Variants in OR3A2 observed in about 807,000 individuals in gnomAD.
OR3A2 encodes the protein olfactory receptor family 3 subfamily A member 2.
For missense variants in OR3A2, 318 were observed against 392.8 expected, an observed-to-expected ratio of 0.81 and a Z score of 1.61; for synonymous variants, 126 against 159.3, an observed-to-expected ratio of 0.79 and a Z score of 1.57.
chr17:3,324,227 C>T (rs2049151407), intron 3 of OR3A2, among the ~76,000 whole-genome samples: 1 of 152,028 alleles, frequency 6.6e-6, no homozygotes, highest in Admixed American at 6.6e-5. Context: ...TTAAGGACTT[C>T]TCTGCATTGG....
chr17:3,372,874 AGAGGGAGAGGGAGAGGGAGAG>A lies in OR3A2; in HGVS notation c.-179+10909_-179+10929del, dbSNP rs2049644491. On this transcript the variant is annotated intron_variant, in intron 2 of 4. Transcript: ENST00000573491. ...GAGAGGGAGAGGGAGAGGGAGAGGG[AGAGGGAGAGGGAGAGGGAGAG>A]GGAGAGGGAGAGGGCTCTTTAGGAT... Among the ~76,000 whole-genome samples the A allele has an allele frequency of 7.4e-5, 5 of 67,864 alleles. No homozygotes were observed. In the South Asian group the frequency reaches 2.2e-3, roughly 29 times the overall value. 44.5% of individuals were successfully genotyped at this position (67,864 alleles called of 152,430 possible).
At chr17:3,327,550 CTTTAG>C (rs1325563541) in intron 3 of OR3A2, among the ~76,000 whole-genome samples, 1 of 127,440 alleles carries the variant, frequency 7.8e-6, no homozygotes, top group Non-Finnish European at 1.6e-5. Context: ...TGCAGAAGCT[CTTTAG>C]TTTAATTAGA....
chr17:3,278,858 T>C, exon 2 of OR3A2: 4 of 1,514,812 alleles, frequency 2.6e-6, no homozygotes, highest in Non-Finnish European at 3.5e-6. Flanking sequence ...CTGTTTGCAC[T>C]AGGCCCAGTA....
chr17:3,310,396 T>C (rs61734050), intron 3 of OR3A2: 61,797 of 535,042 alleles, frequency 0.12, 4,115 homozygotes, highest in East Asian at 0.16. Context: ...CTACAGCCCA[T>C]CCTCTTTGTC....
At chr17:3,276,799 G>A (rs958331778), downstream of OR3A2, 1 of 152,118 alleles carries the variant, frequency 6.6e-6, no homozygotes, top group Admixed American at 6.5e-5. Context: ...GGCATGGCAG[G>A]GAATGGAGAT....
At chr17:3,336,675 C>A (rs1423864656) in intron 2 of OR3A2, among the ~76,000 whole-genome samples, 1 of 152,128 alleles carries the variant, frequency 6.6e-6, no homozygotes, top group African/African-American at 2.4e-5. Flanking sequence ...GTATCCAAAT[C>A]TTACACTGTC....
At chr17:3,376,928 T>C (rs1268370820) in intron 2 of OR3A2, among the ~76,000 whole-genome samples, 1 of 152,206 alleles carries the variant, frequency 6.6e-6, no homozygotes, top group African/African-American at 2.4e-5. Flanking sequence ...TCTACTTTTA[T>C]ATTTTGCTCG....
intron 3 of OR3A2, among the ~76,000 whole-genome samples, chr17:3,316,800 T>C (rs2049085310): frequency 6.6e-6 from 1 of 152,214 alleles, no homozygotes; most frequent in Non-Finnish European, 1.5e-5. Flanking sequence ...AGAGTGATAA[T>C]GACTGTGGGT....
At chr17:3,310,410 T>C (rs1175319929) in intron 3 of OR3A2, 2 of 535,340 alleles carry the variant, frequency 3.7e-6, no homozygotes, top group Admixed American at 3.9e-5. Context: ...CTTTGTCATC[T>C]TCCTTCTTGC....
intron 2 of OR3A2, among the ~76,000 whole-genome samples, chr17:3,371,350 G>A (rs1310373038): frequency 3.3e-5 from 5 of 150,136 alleles, no homozygotes; most frequent in African/African-American, 7.4e-5. Flanking sequence ...TCTCCCGGAC[G>A]AGGCGGCTGG....
chr17:3,334,850 T>C (rs2049265963), intron 3 of OR3A2, among the ~76,000 whole-genome samples: 1 of 152,200 alleles, frequency 6.6e-6, no homozygotes, highest in Non-Finnish European at 1.5e-5. Flanking sequence ...ATTCTAAATA[T>C]GTAGTAAGTT....
chr17:3,385,449 GGATAGATA>G (rs56810423), intron 1 of OR3A2, among the ~76,000 whole-genome samples: 2 of 151,970 alleles, frequency 1.3e-5, no homozygotes, highest in East Asian at 1.9e-4. Flanking sequence ...TGATAGAGGA[GGATAGATA>G]GATAGATAGA....
intron 3 of OR3A2, among the ~76,000 whole-genome samples, chr17:3,289,507 T>C (rs1420651160): frequency 6.6e-6 from 1 of 152,182 alleles, no homozygotes; most frequent in African/African-American, 2.4e-5. Flanking sequence ...GCTGAAGAAA[T>C]GCCAGAGGCA....
intron 3 of OR3A2, among the ~76,000 whole-genome samples, chr17:3,302,059 A>C (rs987464366): frequency 2.4e-4 from 36 of 152,098 alleles, no homozygotes; most frequent in African/African-American, 7.7e-4. Flanking sequence ...CCTCTTCAAG[A>C]AGAACTACAA....
At chr17:3,366,360 G>A (rs552846593) in intron 2 of OR3A2, among the ~76,000 whole-genome samples, 2 of 152,220 alleles carry the variant, frequency 1.3e-5, no homozygotes, top group South Asian at 4.2e-4. Context: ...TTAGCTTGAT[G>A]CAAAAATGTT....
chr17:3,363,605 G>C lies in OR3A2; in HGVS notation c.-179+20199C>G, dbSNP rs184331730. Among the ~76,000 whole-genome samples the C allele has an allele frequency of 3.2e-4, 48 of 151,714 alleles. No individual in the cohort carries two copies. In the East Asian group the frequency reaches 7.7e-3, roughly 24 times the overall value. ...AGCCCTCCAAACTATTCCAACCTCT[G>C]CCCATTACCCAGTTCCAAAGTTGCT... On this transcript the variant is annotated intron_variant, in intron 2 of 4. Coordinates refer to the OR3A2 transcript ENST00000573491.
intron 2 of OR3A2, among the ~76,000 whole-genome samples, chr17:3,352,786 T>A (rs1354379446): frequency 2.0e-5 from 3 of 151,956 alleles, no homozygotes; most frequent in African/African-American, 7.2e-5. Flanking sequence ...CTGTGAAGAA[T>A]GTCATTGGTA....
intron 1 of OR3A2, 49 bp downstream of exon 4, chr17:3,279,027 C>T: frequency 6.5e-7 from 1 of 1,531,636 alleles, no homozygotes; most frequent in Non-Finnish European, 8.8e-7. Context: ...GGCGAGTCCC[C>T]AGGCCATCCC....
chr17:3,380,414 G>A (rs2049724442), intron 2 of OR3A2, among the ~76,000 whole-genome samples: 1 of 152,160 alleles, frequency 6.6e-6, no homozygotes, highest in South Asian at 2.1e-4. Context: ...TCCGGGTGCT[G>A]CTTTCCCTGT....
Sources: allele counts gnomAD v4.1 joint callset (sites outside exome capture counted in the v4.1 genomes callset), GRCh38; gene constraint gnomAD v4.1.1; transcripts MANE v1.5; gene names NCBI Gene and HGNC (gene_info 2026-07-23, HGNC 2026-07-21).